The following CACNA1D variants were observed in gnomAD, a reference collection of about 807,000 sequenced individuals.
CACNA1D encodes the protein voltage-dependent L-type calcium channel subunit alpha-1D.
Under a neutral mutation model 257.1 loss-of-function variants are expected in CACNA1D, and 55 were observed. That is an observed-to-expected ratio of 0.21 (90% confidence interval 0.17 to 0.27). The LOEUF (loss-of-function observed/expected upper bound fraction) is 0.27. CACNA1D is among the 10% of genes least tolerant of loss of function. The probability of loss-of-function intolerance (pLI) is 1.00; values close to 1 mark genes in which losing one functional copy is unlikely to be tolerated. For synonymous variants in CACNA1D, 980 were observed against 1,014.9 expected (o/e 0.97, Z 0.65); for missense variants, 1,876 against 2,784.0 (o/e 0.67, Z 7.34).
chr3:53,808,539 T>A, intron 45 of CACNA1D, 110 bp from the exon 46 acceptor site: 1 of 1,327,636 alleles, frequency 7.5e-7, no homozygotes, highest in African/African-American at 1.4e-5. Flanking sequence ...ACAAACCGCA[T>A]GCTTCTTCCT....
At chr3:53,638,985 A>T (rs960324374) in intron 3 of CACNA1D, among the ~76,000 whole-genome samples, 93 of 152,342 alleles carry the variant, frequency 6.1e-4, no homozygotes, top group Non-Finnish European at 1.2e-3. Context: ...GCTGGCAGGC[A>T]TGGGACCAGG....
Position 53,809,964 on chromosome 3 carries a change from C to A in CACNA1D, c.5872-14C>A. ...GAGAACCTCTGGTCTCCCAACAGTC[C>A]CCTCTTTCCTCAGATCATGGCAGTT... On this transcript the variant is annotated splice_polypyrimidine_tract_variant and intron_variant, in intron 46 of 47. Coordinates refer to ENST00000350061, the MANE Select transcript of CACNA1D (RefSeq NM_001128840.3). 6.2e-7 allele frequency: 1 copy of A among 1,613,302 alleles called. No homozygotes were observed. The highest frequency in any genetic ancestry group is 8.5e-7 in the Non-Finnish European group (1 of 1,179,346).
rs559540991 is a variant in CACNA1D, at chr3:53,730,012, C to T, written c.2222-430C>T. Among the ~76,000 whole-genome samples the T allele has an allele frequency of 1.3e-4, 20 of 152,116 alleles. No homozygotes were observed. The South Asian group carries it at 3.9e-3, about 30-fold the overall frequency. Reference sequence around the variant, plus strand: ...GAAGTGGTCTGTTTTGGAAAGCACTCCCCTGAATATATATGTTGTAGTTGT... The same window carrying T: ...GAAGTGGTCTGTTTTGGAAAGCACTTCCCTGAATATATATGTTGTAGTTGT... On this transcript the variant is annotated intron_variant, in intron 15 of 47. Coordinates refer to ENST00000350061, the MANE Select transcript of CACNA1D (RefSeq NM_001128840.3).
At chr3:53,532,902 G>A (rs1017176710) in intron 3 of CACNA1D, among the ~76,000 whole-genome samples, 3 of 152,178 alleles carry the variant, frequency 2.0e-5, no homozygotes, top group African/African-American at 7.2e-5. Flanking sequence ...CTGGTGCTCT[G>A]TCAGGCTCCG....
At chr3:53,707,088 G>T (rs566715171) in intron 9 of CACNA1D, among the ~76,000 whole-genome samples, 5 of 152,124 alleles carry the variant, frequency 3.3e-5, no homozygotes, top group South Asian at 4.2e-4. Context: ...TTCTAGTTTG[G>T]CGGTGCTTGC....
At chr3:53,615,050 G>C (rs1050128450) in intron 3 of CACNA1D, among the ~76,000 whole-genome samples, 1 of 152,190 alleles carries the variant, frequency 6.6e-6, no homozygotes, top group Admixed American at 6.5e-5. Context: ...AAGATAACAG[G>C]CAAATAGAAA....
At chr3:53,554,678 C>G (rs1471805425) in intron 3 of CACNA1D, among the ~76,000 whole-genome samples, 1 of 152,250 alleles carries the variant, frequency 6.6e-6, no homozygotes, top group African/African-American at 2.4e-5. Context: ...TCTCCCATAG[C>G]ACAGTTTATG....
rs551140538 is a variant in CACNA1D at position 53,665,272 on chromosome 3, T to C, written c.767-388T>C. On this transcript the variant is annotated intron_variant, in intron 5 of 47. Coordinates refer to ENST00000350061, the MANE Select transcript of CACNA1D (RefSeq NM_001128840.3). ...TAATTCTATGTCTCCTAGAATATAA[T>C]TTTTTGAGGGAAAACATTTTACATA... 2.0e-5 allele frequency among the ~76,000 whole-genome samples: 3 copies of C among 152,308 alleles called. No homozygotes were observed. The South Asian group carries it at 6.2e-4, about 32-fold the overall frequency.
chr3:53,733,329 G>A (rs759235654), intron 19 of CACNA1D, among the ~76,000 whole-genome samples: 12 of 152,202 alleles, frequency 7.9e-5, no homozygotes, highest in South Asian at 2.1e-4. Flanking sequence ...TCGGCCAGCC[G>A]TGGAAATTTT....
chr3:53,542,396 A>G (rs909379404), intron 3 of CACNA1D, among the ~76,000 whole-genome samples: 9 of 151,944 alleles, frequency 5.9e-5, no homozygotes, highest in Non-Finnish European at 1.2e-4. Flanking sequence ...CCTGGGCAAC[A>G]TATGGAGACT....
chr3:53,757,749 C>G (rs1231140218), intron 29 of CACNA1D, among the ~76,000 whole-genome samples: 2 of 152,216 alleles, frequency 1.3e-5, no homozygotes, highest in Non-Finnish European at 2.9e-5. Flanking sequence ...GCATGCTAGA[C>G]CTTTCCCTGC....
intron 8 of CACNA1D, among the ~76,000 whole-genome samples, chr3:53,690,108 C>G (rs917084868): frequency 1.1e-4 from 16 of 152,254 alleles, no homozygotes; most frequent in Admixed American, 9.8e-4. Context: ...TCAAAATTTA[C>G]ACAGCTAGTA....
chr3:53,718,533 G>C lies in CACNA1D; in HGVS notation c.1478+145G>C, dbSNP rs988329319. 2.9e-6 allele frequency: 3 copies of C among 1,023,754 alleles called. No homozygotes were observed. The South Asian group carries it at 4.1e-5, about 14-fold the overall frequency. 63.4% of individuals were successfully genotyped at this position (1,023,754 alleles called of 1,614,324 possible). A position where few individuals can be genotyped will look rare whatever the true frequency, so the allele number is the denominator to read the frequency against. On this transcript the variant is annotated intron_variant, in intron 10 of 47. Transcript: ENST00000350061. Reference sequence around the variant, plus strand: ...GAAGGCTCCTCGTACCCCACGCCACGCTTCCTCCTGTGCCAGGGCTATCCC... The same window carrying C: ...GAAGGCTCCTCGTACCCCACGCCACCCTTCCTCCTGTGCCAGGGCTATCCC...
chr3:53,782,256 G>GTATA (rs1219704709), intron 39 of CACNA1D: 3 of 56,144 alleles, frequency 5.3e-5, no homozygotes, highest in African/African-American at 2.5e-4. Flanking sequence ...GTGTGTGTGT[G>GTATA]TGTGTGTGTA....
At chr3:53,639,729 A>G (rs2093928170) in intron 3 of CACNA1D, among the ~76,000 whole-genome samples, 1 of 152,054 alleles carries the variant, frequency 6.6e-6, no homozygotes, top group Non-Finnish European at 1.5e-5. Flanking sequence ...GTAGCCATAT[A>G]CAGATTTGAA....
intron 3 of CACNA1D, among the ~76,000 whole-genome samples, chr3:53,627,643 G>T (rs2093775006): frequency 6.6e-6 from 1 of 151,478 alleles, no homozygotes; most frequent in African/African-American, 2.4e-5. Context: ...GAAAAGGGAT[G>T]GTTGATTATA....
Position 53,704,281 on chromosome 3 carries a change from G to A in CACNA1D, c.1390+1471G>A, listed in dbSNP as rs1339650388. On this transcript the variant is annotated intron_variant, in intron 9 of 47. Coordinates refer to ENST00000350061, the MANE Select transcript of CACNA1D (RefSeq NM_001128840.3). The stretch of plus-strand genomic sequence containing the variant: ...CCTCCATGGGGAGGGAGTGTGTTCC[G>A]TGATCTCAGATGCCCTGGCTGGTGC... Among the ~76,000 whole-genome samples the A allele has an allele frequency of 3.3e-5, 5 of 152,106 alleles. No individual in the cohort carries two copies. The East Asian group carries it at 9.6e-4, about 29-fold the overall frequency.
At chr3:53,542,955 G>C (rs2092331037) in intron 3 of CACNA1D, among the ~76,000 whole-genome samples, 1 of 151,916 alleles carries the variant, frequency 6.6e-6, no homozygotes, top group Admixed American at 6.6e-5. Context: ...GGGAGGCTGA[G>C]GCAGGAGAAT....
At chr3:53,801,491 G>T in intron 42 of CACNA1D, 66 bp downstream of exon 42, 1 of 1,596,846 alleles carries the variant, frequency 6.3e-7, no homozygotes, top group Non-Finnish European at 8.5e-7. Flanking sequence ...TAGTCCCAAG[G>T]AGCAAGGCGG....
Sources: allele counts gnomAD v4.1 joint callset (sites outside exome capture counted in the v4.1 genomes callset), GRCh38; gene constraint gnomAD v4.1.1; transcripts MANE v1.5; gene names NCBI Gene and HGNC (gene_info 2026-07-23, HGNC 2026-07-21).